DICER1: variants seen among roughly 807,000 people sequenced by gnomAD.
DICER1 encodes dicer 1, ribonuclease III.
DICER1 carries 43 observed loss-of-function variants against 194.1 expected under a neutral mutation model. That is an observed-to-expected ratio of 0.22 (90% confidence interval 0.17 to 0.29). The LOEUF is 0.29. DICER1 is among the 10% of genes least tolerant of loss of function. The pLI is 1.00. For synonymous variants in DICER1, 832 were observed against 820.5 expected, an observed-to-expected ratio of 1.01 and a Z score of -0.24; for missense variants, 1,608 against 2,317.0, an observed-to-expected ratio of 0.69 and a Z score of 6.28.
At chr14:95,156,840 G>A (rs1467612155) in intron 1 of DICER1, among the ~76,000 whole-genome samples, 1 of 152,152 alleles carries the variant, frequency 6.6e-6, no homozygotes, top group Non-Finnish European at 1.5e-5. Flanking sequence ...TCAGGCGCGC[G>A]TCTCCACCTC....
At chr14:95,104,151 A>G in intron 20 of DICER1, 25 bp from the exon 21 acceptor site, 1 of 1,588,768 alleles carries the variant, frequency 6.3e-7, no homozygotes, top group South Asian at 1.1e-5. Context: ...TTATAACTTT[A>G]CATCAGATTC....
chr14:95,148,242 T>C (rs1344575022), intron 1 of DICER1, among the ~76,000 whole-genome samples: 1 of 152,118 alleles, frequency 6.6e-6, no homozygotes, highest in Non-Finnish European at 1.5e-5. Context: ...TGGGCATGAT[T>C]AACCTTCAGC....
At chr14:95,092,002 G>C (rs1889885715) in intron 24 of DICER1, among the ~76,000 whole-genome samples, 1 of 152,120 alleles carries the variant, frequency 6.6e-6, no homozygotes. Flanking sequence ...TGCAGCAATT[G>C]CATCTCTAAG....
At position 95,096,425 on chromosome 14, in the gene DICER1, C is replaced by G. The variant is rs1350503269; in HGVS notation, c.4495G>C (p.Glu1499Gln). Residue 1499 changes from glutamate (E) to glutamine (Q), a missense_variant, in exon 23 of 27, where the codon GAG becomes CAG. By Grantham distance (29) the Glu-to-Gln change is conservative. This residue lies in a region of DICER1 where 164 missense variants were observed against 183.7 expected (regional missense o/e 0.89). Transcript: ENST00000343455. Reference sequence around the variant, plus strand: ...TCCCAAGAGCTGTAGTCAAAATCCTCAAAATCTGATGAAAATGGCATACTA... The same window carrying G: ...TCCCAAGAGCTGTAGTCAAAATCCTGAAAATCTGATGAAAATGGCATACTA... ...LGSMPFSSDF[E>Q]DFDYSSWDAM... 6.2e-7 allele frequency: 1 copy of G among 1,614,232 alleles called. No homozygotes were observed. Among genetic ancestry groups the G allele is most frequent in the South Asian group, 1.1e-5 (1 of 91,092 alleles).
chr14:95,131,791 C>A, intron 3 of DICER1, 152 bp from the exon 4 acceptor site: 2 of 774,938 alleles, frequency 2.6e-6, no homozygotes. Flanking sequence ...ACCACAGTTC[C>A]AAGGTTATCC....
At position 95,106,139 on chromosome 14, in the gene DICER1, A is replaced by G. The variant is rs1193808430; in HGVS notation, c.2889T>C (p.Pro963=). Reference sequence around the variant, plus strand: ...AATATTCTGCAAAAGTTTCATACTCAGGGGAAGGAAATTTACTGAGTGGGG... The same window carrying G: ...AATATTCTGCAAAAGTTTCATACTCGGGGGAAGGAAATTTACTGAGTGGGG... ...DLTPLSKFPS[P]EYETFAEYYK... The change falls in exon 18 of 27, where the codon CCT becomes CCC. Residue 963 remains proline, a synonymous_variant. Transcript: ENST00000343455. The G allele has an allele frequency of 1.9e-6, 3 of 1,614,110 alleles. No individual in the cohort carries two copies. Among genetic ancestry groups the G allele is most frequent in the Non-Finnish European group, 2.5e-6 (3 of 1,179,938 alleles).
At position 95,133,507 on chromosome 14, in the gene DICER1, C is replaced by T; in HGVS notation, c.-45-4G>A. On this transcript the variant is annotated splice_region_variant and splice_polypyrimidine_tract_variant and intron_variant, in intron 1 of 26. Coordinates refer to ENST00000343455, the MANE Select transcript of DICER1 (RefSeq NM_177438.3). ...ATTTTTGTTCTAGCACAGCTTACTA[C>T]AAAAGGGAAAAAGAATACCATTACA... The T allele has an allele frequency of 6.4e-7, 1 of 1,571,802 alleles. No individual in the cohort carries two copies. The highest frequency in any genetic ancestry group is 8.7e-7 in the Non-Finnish European group (1 of 1,155,102).
chr14:95,144,541 T>C (rs7146983), intron 1 of DICER1, among the ~76,000 whole-genome samples: 136,110 of 152,194 alleles, frequency 0.89, 61,163 homozygotes, highest in African/African-American at 0.92. Flanking sequence ...ATACAAAATA[T>C]CTCTACCTAG....
At chr14:95,112,829 T>C (rs1892094973) in intron 12 of DICER1, among the ~76,000 whole-genome samples, 1 of 152,248 alleles carries the variant, frequency 6.6e-6, no homozygotes, top group Non-Finnish European at 1.5e-5. Flanking sequence ...AGAGATCACC[T>C]AGTCCAGTTC....
chr14:95,131,085 A>G (rs970071463), intron 4 of DICER1, among the ~76,000 whole-genome samples: 1 of 152,102 alleles, frequency 6.6e-6, no homozygotes, highest in Non-Finnish European at 1.5e-5. Flanking sequence ...GCTGGAGTGC[A>G]GTGGCGCGAT....
chr14:95,140,951 C>A (rs1238044846), intron 1 of DICER1, among the ~76,000 whole-genome samples: 1 of 151,976 alleles, frequency 6.6e-6, no homozygotes, highest in Admixed American at 6.6e-5. Flanking sequence ...AGAGAATAAG[C>A]TACAATAGCA....
intron 8 of DICER1, among the ~76,000 whole-genome samples, chr14:95,122,492 G>A (rs750064040): frequency 1.9e-4 from 29 of 152,018 alleles, no homozygotes; most frequent in Non-Finnish European, 2.9e-4. Context: ...TCCCAGGTCC[G>A]TCTCCTGGCA....
At chr14:95,153,046 T>C (rs1157100498) in intron 1 of DICER1, among the ~76,000 whole-genome samples, 3 of 151,982 alleles carry the variant, frequency 2.0e-5, no homozygotes, top group Non-Finnish European at 4.4e-5. Context: ...TGAAACCTCA[T>C]CTCTACTAAA....
chr14:95,123,756 A>G (rs1299448931), intron 8 of DICER1, among the ~76,000 whole-genome samples: 1 of 152,220 alleles, frequency 6.6e-6, no homozygotes, highest in Non-Finnish European at 1.5e-5. Flanking sequence ...ATCAACATTA[A>G]AAAATTAGTC....
intron 1 of DICER1, among the ~76,000 whole-genome samples, chr14:95,138,352 G>T (rs1404670807): frequency 6.6e-6 from 1 of 151,046 alleles, no homozygotes; most frequent in African/African-American, 2.4e-5. Flanking sequence ...GAAATGAAAG[G>T]TTACATTTAT....
rs1889613338 is a variant in DICER1 at position 95,089,599 on chromosome 14, A to C, written c.*899T>G. 1 of 231,818 alleles carries C rather than the reference A, an allele frequency of 4.3e-6. No homozygotes were observed. Among genetic ancestry groups the C allele is most frequent in the Non-Finnish European group, 8.5e-6 (1 of 117,282 alleles). 14.4% of individuals were successfully genotyped at this position (231,818 alleles called of 1,614,324 possible). A position where few individuals can be genotyped will look rare whatever the true frequency, so the allele number is the denominator to read the frequency against. ...TTAGTAAAATGGGGTGTTTAGCCAAAGATCATTTTTATGATAAAAAATATC... is the reference window on the plus strand; with the variant it reads ...TTAGTAAAATGGGGTGTTTAGCCAACGATCATTTTTATGATAAAAAATATC... On this transcript the variant is annotated 3_prime_UTR_variant, in exon 27 of 27. Coordinates refer to ENST00000343455, the MANE Select transcript of DICER1 (RefSeq NM_177438.3).
In DICER1 at chr14:95,108,188, A is replaced by G; in HGVS notation, c.2437-95T>C. 8 of 1,282,716 alleles carry G rather than the reference A, an allele frequency of 6.2e-6. No individual in the cohort carries two copies. In the South Asian group the frequency reaches 9.6e-5, roughly 15 times the overall value. 79.5% of individuals were successfully genotyped at this position (1,282,716 alleles called of 1,614,324 possible). A position where few individuals can be genotyped will look rare whatever the true frequency, so the allele number is the denominator to read the frequency against. On this transcript the variant is annotated intron_variant, in intron 15 of 26. Transcript: ENST00000343455. ...GAACAGAAATGATGCTTTCTAGTGG[A>G]GAAATAGAAGAGGCACCTCGATCTT...
chr14:95,116,784 A>ATTTAC, intron 9 of DICER1, 89 bp from the exon 10 acceptor site: 3 of 1,319,952 alleles, frequency 2.3e-6, no homozygotes, highest in Non-Finnish European at 3.3e-6. Flanking sequence ...GACAACTGTC[A>ATTTAC]TTTCTGACAC....
intron 1 of DICER1, among the ~76,000 whole-genome samples, chr14:95,156,468 C>T (rs147403297): frequency 6.6e-6 from 1 of 152,340 alleles, no homozygotes; most frequent in African/African-American, 2.4e-5. Flanking sequence ...CTTCAGGTTC[C>T]TAAGGACACA....
Sources: gnomAD v4.1 joint callset for allele counts (sites outside exome capture counted in the v4.1 genomes callset) on GRCh38, gnomAD v4.1.1 for gene constraint, gnomAD v4.1.1 regional missense constraint, MANE v1.5 for transcripts, NCBI Gene and HGNC (gene_info 2026-07-23, HGNC 2026-07-21) for gene names.